The following LOXL2 variants were observed in gnomAD, a reference collection of about 807,000 sequenced individuals.
LOXL2 encodes the protein lysyl oxidase homolog 2.
LOXL2 carries 70 observed loss-of-function variants against 93.0 expected under a neutral mutation model. The observed-to-expected ratio is 0.75, with a 90% CI of 0.62 to 0.92. The LOEUF (loss-of-function observed/expected upper bound fraction) is 0.92. Among genes scored for constraint, LOXL2 ranks in the 40% least tolerant of loss-of-function variants. The pLI is 0.00. For synonymous variants in LOXL2, 438 were observed against 413.2 expected, an observed-to-expected ratio of 1.06 and a Z score of -0.73; for missense variants, 973 against 1,054.9, an observed-to-expected ratio of 0.92 and a Z score of 1.08.
chr8:23,362,326 T>C (rs1319188785), intron 2 of LOXL2, among the ~76,000 whole-genome samples: 3 of 152,034 alleles, frequency 2.0e-5, no homozygotes, highest in Admixed American at 6.6e-5. Flanking sequence ...GAGAAAGAAA[T>C]GGAGGTGGTT....
chr8:23,395,663 C>T (rs1031719211), intron 1 of LOXL2, among the ~76,000 whole-genome samples: 1 of 152,096 alleles, frequency 6.6e-6, no homozygotes, highest in Admixed American at 6.5e-5. Context: ...GGTTGCCAGG[C>T]ATCAAAATAT....
At chr8:23,383,657 G>GTTTTTTTTTTTTTT (rs968347697) in intron 1 of LOXL2, among the ~76,000 whole-genome samples, 7 of 22,262 alleles carry the variant, frequency 3.1e-4, no homozygotes, top group African/African-American at 1.2e-3. Flanking sequence ...TTTTTTTTTT[G>GTTTTTTTTTTTTTT]TTTTTTTTTT....
chr8:23,299,647 GGAGGGA>G (rs1803095195), intron 12 of LOXL2, among the ~76,000 whole-genome samples: 1 of 152,178 alleles, frequency 6.6e-6, no homozygotes, highest in Non-Finnish European at 1.5e-5. Context: ...AAAGAGAAAG[GGAGGGA>G]GAGGGAGAAG....
At chr8:23,307,589 T>C (rs564176233) in intron 10 of LOXL2, among the ~76,000 whole-genome samples, 1 of 152,084 alleles carries the variant, frequency 6.6e-6, no homozygotes, top group South Asian at 2.1e-4. Context: ...CACAGGGAGG[T>C]TCCTACCATG....
chr8:23,352,857 C>G (rs1248147175), intron 3 of LOXL2, among the ~76,000 whole-genome samples: 2 of 151,928 alleles, frequency 1.3e-5, no homozygotes, highest in East Asian at 3.9e-4. Flanking sequence ...CCCACTTTCA[C>G]AAACGGGAAA....
At chr8:23,340,003 T>C (rs1412147881) in intron 4 of LOXL2, among the ~76,000 whole-genome samples, 4 of 152,196 alleles carry the variant, frequency 2.6e-5, no homozygotes, top group African/African-American at 9.6e-5. Context: ...CCAGGTCTCC[T>C]GACATGGAAG....
In LOXL2 at chr8:23,368,201, C is replaced by T. The variant is rs748189297; in HGVS notation, c.151G>A (p.Ala51Thr). 59 of 1,613,870 alleles carry T rather than the reference C, an allele frequency of 3.7e-5. No individual in the cohort carries two copies. The highest frequency in any genetic ancestry group is 1.9e-4 in the South Asian group (17 of 91,086). The change falls in exon 2 of 14, where the codon GCC becomes ACC. Residue 51 changes from alanine (A) to threonine (T), a missense_variant. Coordinates refer to ENST00000389131, the MANE Select transcript of LOXL2 (RefSeq NM_002318.3). ...APEYHQPQAP[A>T]NVAKIQLRLA... Reference sequence around the variant, plus strand: ...CGCAGCTGAATCTTGGCCACGTTGGCGGGGGCCTGGGGCTGGTGATACTCA... The same window carrying T: ...CGCAGCTGAATCTTGGCCACGTTGGTGGGGGCCTGGGGCTGGTGATACTCA...
intron 3 of LOXL2, among the ~76,000 whole-genome samples, chr8:23,346,172 ATAAATAAAAT>A (rs1158619409): frequency 5.8e-5 from 8 of 137,746 alleles, no homozygotes; most frequent in African/African-American, 2.2e-4. Context: ...ATAAAATAAA[ATAAATAAAAT>A]AATAAAATAA....
At position 23,333,256 on chromosome 8, in the gene LOXL2, C is replaced by T. The variant is rs1008145402; in HGVS notation, c.966+145G>A. 3.2e-5 allele frequency: 23 copies of T among 710,708 alleles called. No homozygotes were observed. In the African/African-American group the frequency reaches 3.3e-4, roughly 10 times the overall value. The allele number at this position is 710,708 out of a possible 1,614,324, so 44.0% of individuals were successfully genotyped here. A position where few individuals can be genotyped will look rare whatever the true frequency, so the allele number is the denominator to read the frequency against. The stretch of plus-strand genomic sequence containing the variant: ...AGGTGGTCCTTCTCTGCAGAGGGCG[C>T]TCAGGTCTCAGAGTAAAGCAGCCAC... On this transcript the variant is annotated intron_variant, in intron 5 of 13. Coordinates refer to ENST00000389131, the MANE Select transcript of LOXL2 (RefSeq NM_002318.3).
intron 1 of LOXL2, 68 bp from the exon 2 acceptor site, chr8:23,368,502 G>C (rs539051436): frequency 6.2e-6 from 4 of 645,240 alleles, no homozygotes; most frequent in Non-Finnish European, 1.1e-5. Flanking sequence ...GAGAACCAGC[G>C]ATTTCATACC....
At chr8:23,380,795 T>C (rs955488399) in intron 1 of LOXL2, among the ~76,000 whole-genome samples, 1 of 152,036 alleles carries the variant, frequency 6.6e-6, no homozygotes, top group African/African-American at 2.4e-5. Context: ...GGCCAATCGC[T>C]TGAGGTCAGG....
At chr8:23,332,906 A>AC (rs964691929) in intron 5 of LOXL2, among the ~76,000 whole-genome samples, 13 of 129,604 alleles carry the variant, frequency 1.0e-4, no homozygotes, top group Middle Eastern at 3.9e-3. Flanking sequence ...ATACACATAC[A>AC]CCCCCCCCAC....
At chr8:23,393,566 C>T (rs557651499) in intron 1 of LOXL2, among the ~76,000 whole-genome samples, 15 of 152,278 alleles carry the variant, frequency 9.9e-5, no homozygotes, top group Non-Finnish European at 1.9e-4. Context: ...GATCAAAGAC[C>T]TTAATGTAAA....
At chr8:23,367,959 A>G in intron 2 of LOXL2, 38 bp downstream of exon 2, 2 of 1,552,718 alleles carry the variant, frequency 1.3e-6, no homozygotes, top group Non-Finnish European at 8.8e-7. Flanking sequence ...GGGCCTTGCC[A>G]GGTGACAGCA....
At chr8:23,343,304 C>A (rs1329090436) in intron 3 of LOXL2, among the ~76,000 whole-genome samples, 1 of 152,248 alleles carries the variant, frequency 6.6e-6, no homozygotes, top group East Asian at 1.9e-4. Context: ...TCCTACTTAA[C>A]CCTCGCACGC....
intron 1 of LOXL2, chr8:23,385,724 A>G (rs918986899): frequency 4.4e-5 from 25 of 569,296 alleles, no homozygotes; most frequent in Admixed American, 6.0e-5. Flanking sequence ...TGAGAGCCAC[A>G]TATGAAATTT....
At chr8:23,325,580 T>C (rs1803565099) in intron 6 of LOXL2, among the ~76,000 whole-genome samples, 1 of 152,210 alleles carries the variant, frequency 6.6e-6, no homozygotes. Context: ...GCGTGAGTCC[T>C]GTTCTGTTTC....
intron 10 of LOXL2, among the ~76,000 whole-genome samples, chr8:23,309,019 C>G (rs1228321993): frequency 6.7e-6 from 1 of 149,466 alleles, no homozygotes; most frequent in Non-Finnish European, 1.5e-5. Flanking sequence ...GAGCCTGGCT[C>G]TGTCGCCTAT....
At chr8:23,321,923 C>G in intron 7 of LOXL2, 2 of 575,720 alleles carry the variant, frequency 3.5e-6, no homozygotes, top group Non-Finnish European at 6.2e-6. Context: ...TTCCAGCTCA[C>G]ACTGCACACA....
Sources: allele counts gnomAD v4.1 joint callset (sites outside exome capture counted in the v4.1 genomes callset), GRCh38; gene constraint gnomAD v4.1.1; transcripts MANE v1.5; gene names NCBI Gene and HGNC (gene_info 2026-07-23, HGNC 2026-07-21).